PDE10A: variants seen among roughly 807,000 people sequenced by gnomAD.
PDE10A encodes cAMP and cAMP-inhibited cGMP 3',5'-cyclic phosphodiesterase 10A.
A neutral mutation model predicts 97.7 loss-of-function variants in PDE10A; 39 were observed. The observed-to-expected ratio is 0.40, with a 90% CI of 0.31 to 0.52. PDE10A has a LOEUF of 0.52. Among genes scored for constraint, PDE10A ranks in the 20% least tolerant of loss-of-function variants. The probability of loss-of-function intolerance (pLI) is 0.56; values close to 1 mark genes in which losing one functional copy is unlikely to be tolerated. For synonymous variants in PDE10A, 371 were observed against 376.8 expected, an observed-to-expected ratio of 0.98 and a Z score of 0.18; for missense variants, 731 against 1,047.8, an observed-to-expected ratio of 0.70 and a Z score of 4.17.
At chr6:165,598,925 G>C (rs954081460) in intron 1 of PDE10A, among the ~76,000 whole-genome samples, 1 of 152,148 alleles carries the variant, frequency 6.6e-6, no homozygotes, top group African/African-American at 2.4e-5. Context: ...TACATGTCCA[G>C]TTCTCTCTAT....
Position 165,333,042 on chromosome 6 carries a change from C to G in PDE10A, c.3151G>C (p.Ala1051Pro). The G allele has an allele frequency of 6.2e-7, 1 of 1,606,892 alleles. No individual in the cohort carries two copies. The highest frequency in any genetic ancestry group is 1.3e-5 in the African/African-American group (1 of 74,742). Residue 1051 changes from alanine to proline, a missense_variant, in exon 22 of 22, where the codon GCT becomes CCT. Physicochemically the swap from Ala to Pro is conservative, Grantham distance 27. This residue lies in a region of PDE10A where 34 missense variants were observed against 29.7 expected (regional missense o/e 1.14). Coordinates refer to ENST00000539869, the MANE Select transcript of PDE10A (RefSeq NM_001385079.1). ...ACCAGTGCTCAATCTTCAGATGCAGCTGCCTTCTGAGCCACGGATGGGGAT... is the reference window on the plus strand; with the variant it reads ...ACCAGTGCTCAATCTTCAGATGCAGGTGCCTTCTGAGCCACGGATGGGGAT... ...ISSPSVAQKAAASED is the reference protein window; with the variant it reads ...ISSPSVAQKAPASED
Position 165,387,259 on chromosome 6 carries a change from C to T in PDE10A, c.2610+1039G>A, listed in dbSNP as rs114039369. 7.1e-3 allele frequency among the ~76,000 whole-genome samples: 1,083 copies of T among 152,246 alleles called. 19 individuals are homozygous for T. The highest frequency in any genetic ancestry group is 0.025 in the African/African-American group (1,039 of 41,534). ...TTTCACTTCTACCCAGAAGATAATT[C>T]GAAGAGCACCCACAATAGAGTAAGT... On this transcript the variant is annotated intron_variant, in intron 17 of 21. Transcript: ENST00000539869.
upstream of PDE10A, among the ~76,000 whole-genome samples, chr6:165,664,021 C>A (rs1790428221): frequency 6.6e-6 from 1 of 152,196 alleles, no homozygotes; most frequent in South Asian, 2.1e-4. Context: ...GCGGGGCCAC[C>A]ATGGCGCGCT....
chr6:165,863,158 C>G (rs1780953332), intron 1 of PDE10A, among the ~76,000 whole-genome samples: 1 of 152,222 alleles, frequency 6.6e-6, no homozygotes. Flanking sequence ...TCAGGAGGAG[C>G]TGCCAACCAC....
At chr6:165,706,273 G>T (rs1281550274) in intron 1 of PDE10A, among the ~76,000 whole-genome samples, 1 of 151,930 alleles carries the variant, frequency 6.6e-6, no homozygotes, top group East Asian at 1.9e-4. Flanking sequence ...TCAAGATAAT[G>T]ATTTCCCTTT....
intron 2 of PDE10A, among the ~76,000 whole-genome samples, chr6:165,527,610 A>C (rs1195014039): frequency 6.6e-6 from 1 of 152,162 alleles, no homozygotes; most frequent in Non-Finnish European, 1.5e-5. Flanking sequence ...TCATCATGCG[A>C]CCTGAACTGC....
chr6:165,799,104 C>A (rs752320499), intron 1 of PDE10A, among the ~76,000 whole-genome samples: 3 of 152,166 alleles, frequency 2.0e-5, no homozygotes, highest in Non-Finnish European at 4.4e-5. Flanking sequence ...TCAGCCACTG[C>A]AATTTAAATT....
At chr6:165,630,523 A>T (rs1480762018) in intron 1 of PDE10A, among the ~76,000 whole-genome samples, 1 of 152,178 alleles carries the variant, frequency 6.6e-6, no homozygotes, top group Non-Finnish European at 1.5e-5. Flanking sequence ...GAAATCCCAT[A>T]CCATTTAAAA....
At chr6:165,749,517 C>G (rs1008650954) in intron 1 of PDE10A, among the ~76,000 whole-genome samples, 3 of 106,176 alleles carry the variant, frequency 2.8e-5, no homozygotes, top group African/African-American at 1.0e-4. Flanking sequence ...ACCATTACCA[C>G]CATCATCTAT....
chr6:165,635,895 T>C (rs1447506910), intron 1 of PDE10A, among the ~76,000 whole-genome samples: 9 of 152,134 alleles, frequency 5.9e-5, no homozygotes, highest in Admixed American at 5.9e-4. Context: ...AATAGAAAAA[T>C]ATTATATACT....
chr6:165,613,547 G>A (rs1455723188), intron 1 of PDE10A, among the ~76,000 whole-genome samples: 2 of 152,022 alleles, frequency 1.3e-5, no homozygotes, highest in Non-Finnish European at 2.9e-5. Context: ...GCTAAGGTGT[G>A]GGGGGATTCC....
chr6:165,455,479 A>G (rs1470720882), intron 3 of PDE10A, among the ~76,000 whole-genome samples: 2 of 152,232 alleles, frequency 1.3e-5, no homozygotes, highest in Non-Finnish European at 2.9e-5. Context: ...CCAAGTAAAG[A>G]GAACAGGATA....
chr6:165,638,498 G>A (rs1000959631), intron 1 of PDE10A, among the ~76,000 whole-genome samples: 3 of 152,122 alleles, frequency 2.0e-5, no homozygotes, highest in African/African-American at 4.8e-5. Context: ...TGTTCTGAAA[G>A]GACGCATGTA....
upstream of PDE10A, among the ~76,000 whole-genome samples, chr6:165,663,404 C>G (rs183796031): frequency 2.8e-4 from 43 of 152,304 alleles, no homozygotes; most frequent in Middle Eastern, 3.4e-3. Flanking sequence ...GCAACCGCTG[C>G]GTCTCTGCCC....
At chr6:165,530,696 T>C (rs975224328) in intron 2 of PDE10A, among the ~76,000 whole-genome samples, 1 of 152,140 alleles carries the variant, frequency 6.6e-6, no homozygotes, top group Non-Finnish European at 1.5e-5. Context: ...AAACGTAATA[T>C]AGATATAAAA....
intron 1 of PDE10A, among the ~76,000 whole-genome samples, chr6:165,790,536 G>A (rs866420841): frequency 2.6e-5 from 4 of 152,112 alleles, no homozygotes; most frequent in Admixed American, 1.3e-4. Flanking sequence ...TTCTATGTGC[G>A]GCAGGGGTGA....
At chr6:165,735,632 G>A (rs1792557181) in intron 1 of PDE10A, among the ~76,000 whole-genome samples, 1 of 152,142 alleles carries the variant, frequency 6.6e-6, no homozygotes, top group African/African-American at 2.4e-5. Flanking sequence ...AAGTTCAAAG[G>A]CCATCAGGTG....
intron 1 of PDE10A, among the ~76,000 whole-genome samples, chr6:165,709,330 T>G (rs1422320555): frequency 9.8e-6 from 1 of 102,132 alleles, no homozygotes; most frequent in East Asian, 3.7e-4. Flanking sequence ...TCCACCGCTA[T>G]GCTGTGGTGC....
chr6:165,374,688 T>C (rs1583148244), intron 18 of PDE10A, among the ~76,000 whole-genome samples: 1 of 152,028 alleles, frequency 6.6e-6, no homozygotes, highest in African/African-American at 2.4e-5. Flanking sequence ...GACGGCAATA[T>C]ATGTTCCAGG....
Sources: gnomAD v4.1 joint callset for allele counts (sites outside exome capture counted in the v4.1 genomes callset) on GRCh38, gnomAD v4.1.1 for gene constraint, gnomAD v4.1.1 regional missense constraint, MANE v1.5 for transcripts, NCBI Gene and HGNC (gene_info 2026-07-23, HGNC 2026-07-21) for gene names.